FBXW7: variants seen among roughly 807,000 people sequenced by gnomAD.
FBXW7 encodes the protein F-box and WD repeat domain containing 7.
In FBXW7, 11 loss-of-function variants were observed where a neutral mutation model predicts 86.3. The observed-to-expected ratio is 0.13, with a 90% CI of 0.08 to 0.21. The LOEUF (loss-of-function observed/expected upper bound fraction) is 0.21, where lower values mean the gene tolerates loss of function less well. Among genes scored for constraint, FBXW7 ranks in the 10% least tolerant of loss-of-function variants. FBXW7 has a pLI of 1.00. For missense variants in FBXW7, 488 were observed against 847.4 expected (o/e 0.58, Z 5.27); for synonymous variants, 313 against 297.9 (o/e 1.05, Z -0.52).
chr4:152,328,146 A>C, intron 11 of FBXW7, 62 bp downstream of exon 11: 10 of 1,380,098 alleles, frequency 7.2e-6, no homozygotes, highest in South Asian at 2.7e-5. Flanking sequence ...TCTACACAGA[A>C]AGGGCCCAAA....
chr4:152,493,578 T>A (rs932607847), intron 2 of FBXW7, among the ~76,000 whole-genome samples: 3 of 152,214 alleles, frequency 2.0e-5, no homozygotes, highest in African/African-American at 7.2e-5. Flanking sequence ...CACGACTGTA[T>A]TTGGATATAG....
chr4:152,435,524 C>G (rs929135819), intron 2 of FBXW7, among the ~76,000 whole-genome samples: 1 of 152,190 alleles, frequency 6.6e-6, no homozygotes, highest in Admixed American at 6.5e-5. Flanking sequence ...TGGAGGCACA[C>G]TTAAAATAAT....
intron 2 of FBXW7, among the ~76,000 whole-genome samples, chr4:152,502,282 T>C (rs896448932): frequency 1.7e-4 from 26 of 152,192 alleles, no homozygotes; most frequent in Non-Finnish European, 2.9e-4. Flanking sequence ...AAGAAAGTTT[T>C]ATTCTTTTGG....
intron 2 of FBXW7, among the ~76,000 whole-genome samples, chr4:152,423,642 C>CAATGAG (rs1739134410): frequency 6.6e-6 from 1 of 152,100 alleles, no homozygotes; most frequent in Non-Finnish European, 1.5e-5. Context: ...AACCACACAG[C>CAATGAG]AATGAGAATG....
At chr4:152,521,958 T>C (rs1381603670) in intron 2 of FBXW7, among the ~76,000 whole-genome samples, 4 of 151,752 alleles carry the variant, frequency 2.6e-5, no homozygotes, top group African/African-American at 4.8e-5. Context: ...TAGCTGAAAT[T>C]ACAGGTGCAC....
At chr4:152,417,910 AGG>A (rs1290736380) in intron 2 of FBXW7, among the ~76,000 whole-genome samples, 1 of 152,084 alleles carries the variant, frequency 6.6e-6, no homozygotes, top group Non-Finnish European at 1.5e-5. Flanking sequence ...AAAGGACAAT[AGG>A]AGGGTAGTAG....
intron 2 of FBXW7, among the ~76,000 whole-genome samples, chr4:152,507,143 C>T (rs973247230): frequency 6.6e-6 from 1 of 151,794 alleles, no homozygotes; most frequent in Non-Finnish European, 1.5e-5. Context: ...CAGAAAAGAC[C>T]GAAATATTTA....
Position 152,321,614 on chromosome 4 carries a change from G to T in FBXW7, c.*1267C>A, listed in dbSNP as rs903505318. On this transcript the variant is annotated 3_prime_UTR_variant, in exon 14 of 14. Transcript: ENST00000281708. The stretch of plus-strand genomic sequence containing the variant: ...ACAAAAACTGAATAGTTTCTGCTTT[G>T]TCAGTTACTCAGAGCAATAAAACTG... 1.3e-5 allele frequency: 3 copies of T among 232,970 alleles called. No individual in the cohort carries two copies. The highest frequency in any genetic ancestry group is 6.6e-5 in the African/African-American group (3 of 45,280). The allele number at this position is 232,970 out of a possible 1,614,324, so 14.4% of individuals were successfully genotyped here.
chr4:152,533,516 C>A (rs1353479610), intron 2 of FBXW7, among the ~76,000 whole-genome samples: 1 of 152,050 alleles, frequency 6.6e-6, no homozygotes, highest in Non-Finnish European at 1.5e-5. Context: ...CATAACAAGG[C>A]AACTAAAGAA....
Position 152,536,053 on chromosome 4 carries a change from T to G in FBXW7, c.-1139A>C. On this transcript the variant is annotated 5_prime_UTR_variant, in exon 1 of 14. Transcript: ENST00000281708. Reference sequence around the variant, plus strand: ...AGCGCCCGGAGCTCAGCTCGCTGTCTCCCTCGCTCTGTGCGGGGCTCTCGC... The same window carrying G: ...AGCGCCCGGAGCTCAGCTCGCTGTCGCCCTCGCTCTGTGCGGGGCTCTCGC... 1 of 197,012 alleles carries G rather than the reference T, an allele frequency of 5.1e-6. No individual in the cohort carries two copies. The highest frequency in any genetic ancestry group is 1.0e-5 in the Non-Finnish European group (1 of 97,182). 12.2% of individuals were successfully genotyped at this position (197,012 alleles called of 1,614,324 possible).
chr4:152,391,194 T>G (rs749784532), intron 4 of FBXW7, among the ~76,000 whole-genome samples: 3 of 152,070 alleles, frequency 2.0e-5, no homozygotes, highest in Non-Finnish European at 2.9e-5. Context: ...AGCACAGAAT[T>G]TAAGTATAGA....
chr4:152,322,794 C>CTT lies in FBXW7; in HGVS notation c.*85_*86dup. On this transcript the variant is annotated 3_prime_UTR_variant, in exon 14 of 14. Coordinates refer to ENST00000281708, the MANE Select transcript of FBXW7 (RefSeq NM_001349798.2). ...ACCACTGAGAACAAGGGATTTTTTT[C>CTT]TTTTTCTTTTCTTTTTTTCTTTTTG... 6.4e-7 allele frequency: 1 copy of CTT among 1,551,298 alleles called. No homozygotes were observed. Among genetic ancestry groups the CTT allele is most frequent in the Non-Finnish European group, 8.7e-7 (1 of 1,153,856 alleles).
At chr4:152,357,982 G>C (rs942368240) in intron 4 of FBXW7, among the ~76,000 whole-genome samples, 13 of 152,044 alleles carry the variant, frequency 8.6e-5, no homozygotes, top group Non-Finnish European at 1.5e-4. Flanking sequence ...CAGACAGCCG[G>C]CATCAGTGCA....
intron 4 of FBXW7, among the ~76,000 whole-genome samples, chr4:152,370,936 T>C (rs1049412539): frequency 6.0e-5 from 9 of 151,154 alleles, no homozygotes; most frequent in African/African-American, 2.2e-4. Context: ...ATCTAAGATA[T>C]TGACTTAAAA....
intron 2 of FBXW7, among the ~76,000 whole-genome samples, chr4:152,458,466 C>T (rs1234829778): frequency 2.0e-5 from 3 of 152,186 alleles, no homozygotes; most frequent in Admixed American, 6.5e-5. Context: ...AGAAGATACG[C>T]ATCATCTCAG....
intron 2 of FBXW7, among the ~76,000 whole-genome samples, chr4:152,438,780 A>G (rs1022046711): frequency 2.6e-5 from 4 of 152,226 alleles, no homozygotes; most frequent in African/African-American, 9.6e-5. Flanking sequence ...CCCTACCCAC[A>G]TGGGAGATGT....
chr4:152,524,743 T>C (rs1407676633), intron 2 of FBXW7, among the ~76,000 whole-genome samples: 3 of 152,136 alleles, frequency 2.0e-5, no homozygotes, highest in Non-Finnish European at 4.4e-5. Context: ...CTCCCGCTCA[T>C]TTATTTTAAA....
intron 2 of FBXW7, among the ~76,000 whole-genome samples, chr4:152,444,101 G>A (rs1273236206): frequency 6.6e-6 from 1 of 151,688 alleles, no homozygotes; most frequent in Non-Finnish European, 1.5e-5. Context: ...GCCATGTTAG[G>A]TTACACTACA....
chr4:152,359,680 T>C (rs1732739868), intron 4 of FBXW7, among the ~76,000 whole-genome samples: 1 of 151,822 alleles, frequency 6.6e-6, no homozygotes, highest in South Asian at 2.1e-4. Context: ...AGAGAATCAC[T>C]TGAACCCGGA....
Sources: gnomAD v4.1 joint callset for allele counts (sites outside exome capture counted in the v4.1 genomes callset) on GRCh38, gnomAD v4.1.1 for gene constraint, MANE v1.5 for transcripts, NCBI Gene and HGNC (gene_info 2026-07-23, HGNC 2026-07-21) for gene names.